The following ANKRD6 variants were observed in gnomAD, a reference collection of about 807,000 sequenced individuals.
The protein encoded by ANKRD6 is ankyrin repeat domain-containing protein 6.
ANKRD6 carries 56 observed loss-of-function variants against 82.3 expected under a neutral mutation model. The ratio of observed to expected loss-of-function variants is 0.68; its 90% confidence interval spans 0.55 to 0.85. The LOEUF is 0.85. ANKRD6 is among the 40% of genes least tolerant of loss of function. The pLI is 0.00. For synonymous variants in ANKRD6, 347 were observed against 352.1 expected (o/e 0.99, Z 0.16); for missense variants, 852 against 907.6 (o/e 0.94, Z 0.79).
chr6:89,614,850 A>ACC (rs1365657243), intron 7 of ANKRD6, among the ~76,000 whole-genome samples: 1 of 143,168 alleles, frequency 7.0e-6, no homozygotes, highest in Admixed American at 6.9e-5. Flanking sequence ...AAAAAAAAAA[A>ACC]ACAAAAAAAA....
chr6:89,559,743 C>A (rs1787124872), intron 1 of ANKRD6, among the ~76,000 whole-genome samples: 1 of 152,046 alleles, frequency 6.6e-6, no homozygotes, highest in African/African-American at 2.4e-5. Flanking sequence ...ATAAAGGATG[C>A]CTCTAGAGTG....
chr6:89,473,364 T>C (rs1258903506), intron 1 of ANKRD6, among the ~76,000 whole-genome samples: 4 of 150,088 alleles, frequency 2.7e-5, no homozygotes, highest in Non-Finnish European at 4.4e-5. Context: ...GATCGCACCA[T>C]TGCACTCCAG....
At chr6:89,526,446 T>C (rs1182234764) in intron 1 of ANKRD6, among the ~76,000 whole-genome samples, 1 of 152,196 alleles carries the variant, frequency 6.6e-6, no homozygotes, top group East Asian at 1.9e-4. Context: ...ACAGTAGTCC[T>C]GTTGGCAGGC....
intron 3 of ANKRD6, chr6:89,602,291 TG>T (rs1218684166): frequency 6.6e-6 from 1 of 152,222 alleles, no homozygotes; most frequent in African/African-American, 2.4e-5. Flanking sequence ...TGCTTACCTC[TG>T]GGAGTGTTTC....
In ANKRD6 at chr6:89,616,632, G is replaced by A. The variant is rs983103835; in HGVS notation, c.689G>A (p.Gly230Glu). ...KKVAKILLEA[G>E]ADTTIVNNAG... ...GTGGCCAAAATCTTACTGGAAGCCG[G>A]AGCAGATACGACCATTGTTAACAAT... Residue 230 changes from glycine (G) to glutamate (E), a missense_variant, in exon 8 of 16, where the codon GGA becomes GAA. Coordinates refer to ENST00000339746, the MANE Select transcript of ANKRD6 (RefSeq NM_001242809.2). 3 of 1,613,910 alleles carry A rather than the reference G, an allele frequency of 1.9e-6. No homozygotes were observed. Among genetic ancestry groups the A allele is most frequent in the African/African-American group, 1.3e-5 (1 of 74,936 alleles).
intron 1 of ANKRD6, among the ~76,000 whole-genome samples, chr6:89,522,148 G>A (rs191471036): frequency 6.6e-6 from 1 of 151,882 alleles, no homozygotes; most frequent in Admixed American, 6.5e-5. Flanking sequence ...AGACTTATCA[G>A]GGGGGAATTC....
chr6:89,596,912 C>T (rs1236619747), intron 3 of ANKRD6, among the ~76,000 whole-genome samples: 1 of 152,232 alleles, frequency 6.6e-6, no homozygotes, highest in Non-Finnish European at 1.5e-5. Flanking sequence ...ATGGGGAACA[C>T]AGAATGTTGG....
Position 89,631,005 on chromosome 6 carries a change from C to G in ANKRD6, c.*1C>G. ...GACTAGGGTGCAGAAGGAAAATTAG[C>G]ACCAATAAAGAGGAAATATGAAAGG... On this transcript the variant is annotated 3_prime_UTR_variant, in exon 16 of 16. Transcript: ENST00000339746. The G allele has an allele frequency of 2.0e-6, 3 of 1,515,556 alleles. No individual in the cohort carries two copies. The highest frequency in any genetic ancestry group is 2.6e-6 in the Non-Finnish European group (3 of 1,135,204). The allele number at this position is 1,515,556 out of a possible 1,614,324, so 93.9% of individuals were successfully genotyped here.
intron 2 of ANKRD6, among the ~76,000 whole-genome samples, chr6:89,584,823 A>G (rs1019234912): frequency 6.6e-6 from 1 of 152,206 alleles, no homozygotes; most frequent in Non-Finnish European, 1.5e-5. Context: ...TAGGATGGGA[A>G]GTCTTAAGAT....
At chr6:89,629,784 T>C (rs1806939384) in intron 15 of ANKRD6, among the ~76,000 whole-genome samples, 1 of 152,238 alleles carries the variant, frequency 6.6e-6, no homozygotes, top group Non-Finnish European at 1.5e-5. Context: ...ATTCAGAGCC[T>C]GGGTAACTAG....
At chr6:89,558,927 T>C (rs554327384) in intron 1 of ANKRD6, among the ~76,000 whole-genome samples, 1 of 151,910 alleles carries the variant, frequency 6.6e-6, no homozygotes, top group East Asian at 1.9e-4. Context: ...GAGGAAAGGA[T>C]GGAATAGAAG....
At chr6:89,495,109 C>G (rs1292437680) in intron 1 of ANKRD6, among the ~76,000 whole-genome samples, 1 of 152,198 alleles carries the variant, frequency 6.6e-6, no homozygotes, top group Admixed American at 6.5e-5. Context: ...TGGCAGGCGC[C>G]TGTAGTCCCA....
rs941772486 is a variant in ANKRD6, at chr6:89,623,533, T to A, written c.1021T>A (p.Ser341Thr). ...PRAKDDRRRKSRPKVSAFSDP... is the reference protein window; with the variant it reads ...PRAKDDRRRKTRPKVSAFSDP... ...AGCAAAGGATGACAGGAGGAGAAAG[T>A]CAAGGCCCAAGGTCAGGAGACACAG... The change falls in exon 11 of 16, where the codon TCA (serine) becomes ACA (threonine). Residue 341 changes from serine to threonine, a missense_variant. Transcript: ENST00000339746. 5.7e-6 allele frequency: 9 copies of A among 1,583,656 alleles called. No individual in the cohort carries two copies. The highest frequency in any genetic ancestry group is 7.7e-6 in the Non-Finnish European group (9 of 1,164,946).
intron 13 of ANKRD6, among the ~76,000 whole-genome samples, chr6:89,626,689 A>G (rs1805811729): frequency 6.6e-6 from 1 of 152,222 alleles, no homozygotes; most frequent in South Asian, 2.1e-4. Context: ...TCTTCCTAAC[A>G]ATAGTTCCTT....
intron 1 of ANKRD6, chr6:89,478,005 A>C (rs980942250): frequency 5.9e-5 from 9 of 152,186 alleles, no homozygotes; most frequent in African/African-American, 2.2e-4. Context: ...CATATGTTGA[A>C]GTCCTAATCC....
chr6:89,622,135 C>A, intron 10 of ANKRD6, 109 bp downstream of exon 10: 3 of 888,630 alleles, frequency 3.4e-6, no homozygotes, highest in East Asian at 2.6e-5. Context: ...CCCTCTCTGC[C>A]TCTCCTCCTT....
chr6:89,528,742 A>G (rs1055615104), intron 1 of ANKRD6, among the ~76,000 whole-genome samples: 1 of 152,208 alleles, frequency 6.6e-6, no homozygotes, highest in African/African-American at 2.4e-5. Context: ...TGAAAATAGA[A>G]ATTAAATCCT....
At chr6:89,451,593 G>C (rs1772826241) in intron 1 of ANKRD6, among the ~76,000 whole-genome samples, 1 of 152,096 alleles carries the variant, frequency 6.6e-6, no homozygotes, top group Non-Finnish European at 1.5e-5. Context: ...AAAACTGATT[G>C]TTATTTTGAT....
chr6:89,470,689 G>T (rs201089508), intron 1 of ANKRD6, among the ~76,000 whole-genome samples: 169 of 151,430 alleles, frequency 1.1e-3, no homozygotes, highest in African/African-American at 4.0e-3. Flanking sequence ...GTTTTGTTTT[G>T]TTTTGTTTTG....
Sources: gnomAD v4.1 joint callset for allele counts (sites outside exome capture counted in the v4.1 genomes callset) on GRCh38, gnomAD v4.1.1 for gene constraint, MANE v1.5 for transcripts, NCBI Gene and HGNC (gene_info 2026-07-23, HGNC 2026-07-21) for gene names.